Variants in HECW2 observed in about 807,000 individuals in gnomAD.
The protein encoded by HECW2 is E3 ubiquitin-protein ligase HECW2.
HECW2 carries 61 observed loss-of-function variants against 175.2 expected under a neutral mutation model. The ratio of observed to expected loss-of-function variants is 0.35; its 90% CI spans 0.28 to 0.43. HECW2 has a LOEUF of 0.43. Ranked by LOEUF, HECW2 falls within the 20% of genes least tolerant of loss-of-function variation. The pLI is 1.00. For synonymous variants in HECW2, 671 were observed against 731.0 expected (o/e 0.92, Z 1.32); for missense variants, 1,524 against 2,000.5 (o/e 0.76, Z 4.54).
intron 1 of HECW2, among the ~76,000 whole-genome samples, chr2:196,583,527 C>G (rs766016416): frequency 1.3e-5 from 2 of 152,172 alleles, no homozygotes; most frequent in Non-Finnish European, 2.9e-5. Flanking sequence ...CCTGGTGATC[C>G]TGATGCTGCC....
intron 15 of HECW2, among the ~76,000 whole-genome samples, chr2:196,275,675 C>T (rs996681472): frequency 3.3e-5 from 5 of 151,984 alleles, no homozygotes; most frequent in African/African-American, 1.2e-4. Flanking sequence ...TCTCTTGAAC[C>T]CGGGAGGTGG....
At chr2:196,483,587 C>A (rs753836983) in intron 1 of HECW2, among the ~76,000 whole-genome samples, 1 of 152,124 alleles carries the variant, frequency 6.6e-6, no homozygotes, top group Non-Finnish European at 1.5e-5. Context: ...TAAGTGAGAA[C>A]ACACCATCAC....
At chr2:196,231,207 G>T (rs2105849692) in intron 21 of HECW2, among the ~76,000 whole-genome samples, 1 of 151,598 alleles carries the variant, frequency 6.6e-6, no homozygotes, top group South Asian at 2.1e-4. Context: ...GCATGCCCGT[G>T]GTCAAAGTCA....
chr2:196,568,187 T>A (rs1001300580), intron 1 of HECW2, among the ~76,000 whole-genome samples: 1 of 152,180 alleles, frequency 6.6e-6, no homozygotes, highest in Non-Finnish European at 1.5e-5. Flanking sequence ...TTTTTAAAAA[T>A]TTGGGAAAAA....
intron 4 of HECW2, among the ~76,000 whole-genome samples, chr2:196,333,579 C>T (rs1451574165): frequency 6.6e-6 from 1 of 152,162 alleles, no homozygotes; most frequent in African/African-American, 2.4e-5. Flanking sequence ...TTTTTCTATG[C>T]TTTCATGACC....
intron 1 of HECW2, among the ~76,000 whole-genome samples, chr2:196,437,478 G>A (rs1695911336): frequency 6.6e-6 from 1 of 151,860 alleles, no homozygotes; most frequent in Admixed American, 6.6e-5. Flanking sequence ...TGGGCATGGT[G>A]GAACATGCCT....
At chr2:196,209,385 CA>C (rs1415051818) in intron 28 of HECW2, among the ~76,000 whole-genome samples, 1 of 152,036 alleles carries the variant, frequency 6.6e-6, no homozygotes, top group Non-Finnish European at 1.5e-5. Context: ...AAGACCAATC[CA>C]AAAGGTATAT....
intron 2 of HECW2, among the ~76,000 whole-genome samples, chr2:196,390,324 T>TC (rs1559082965): frequency 6.6e-6 from 1 of 152,280 alleles, no homozygotes; most frequent in Non-Finnish European, 1.5e-5. Context: ...CGGAGAACCT[T>TC]CCAAGTTGTT....
At chr2:196,313,820 G>A (rs1691589732) in intron 10 of HECW2, among the ~76,000 whole-genome samples, 1 of 152,334 alleles carries the variant, frequency 6.6e-6, no homozygotes, top group Middle Eastern at 3.4e-3. Flanking sequence ...GGGAGGCCAA[G>A]GTGGGAGGAT....
At chr2:196,532,823 C>A (rs1408896582) in intron 1 of HECW2, among the ~76,000 whole-genome samples, 2 of 151,754 alleles carry the variant, frequency 1.3e-5, no homozygotes, top group Non-Finnish European at 2.9e-5. Flanking sequence ...AGAAGGAGAG[C>A]AAAGAGGTGG....
chr2:196,330,778 C>T (rs1197475524), intron 4 of HECW2, among the ~76,000 whole-genome samples: 1 of 152,150 alleles, frequency 6.6e-6, no homozygotes, highest in Non-Finnish European at 1.5e-5. Context: ...TCTGCCAATC[C>T]CTCCACTCCA....
chr2:196,398,303 ACT>A (rs975335863), intron 2 of HECW2, among the ~76,000 whole-genome samples: 12 of 152,242 alleles, frequency 7.9e-5, no homozygotes, highest in African/African-American at 2.7e-4. Flanking sequence ...GGGAAAAAAT[ACT>A]GTTTGATTAT....
rs543168297 is a variant in HECW2 at position 196,405,515 on chromosome 2, T to C, written c.292+27617A>G. Among the ~76,000 whole-genome samples, 4 of 152,312 alleles carry C rather than the reference T, an allele frequency of 2.6e-5. No individual in the cohort carries two copies. The South Asian group carries it at 8.3e-4, about 32-fold the overall frequency. On this transcript the variant is annotated intron_variant, in intron 2 of 28. Transcript: ENST00000644978. ...ACCACTCATCTGCCATACTTCTCTG[T>C]GTTCCCTTTTGCTCTTCTGGATGAA...
Position 196,358,585 on chromosome 2 carries a change from CAAAAAAAAAAAAAAAAAAAAA to C in HECW2, c.293-14842_293-14822del, listed in dbSNP as rs144181608. Among the ~76,000 whole-genome samples, 8 of 67,334 alleles carry C rather than the reference CAAAAAAAAAAAAAAAAAAAAA, an allele frequency of 1.2e-4. No individual in the cohort carries two copies. The Admixed American group carries it at 1.3e-3, about 11-fold the overall frequency. 44.2% of individuals were successfully genotyped at this position (67,334 alleles called of 152,430 possible). ...TGGGAGACAGAGCAAGACTCTGTCT[CAAAAAAAAAAAAAAAAAAAAA>C]AAAAAAAAAAAGAAACTCTATTTAT... On this transcript the variant is annotated intron_variant, in intron 2 of 28. Transcript: ENST00000644978.
intron 1 of HECW2, among the ~76,000 whole-genome samples, chr2:196,441,381 A>AACAC (rs35019279): frequency 0.79 from 118,974 of 151,174 alleles, 48,469 homozygotes; most frequent in East Asian, 0.95. Context: ...CACACACACA[A>AACAC]ACACACACAC....
rs781631738 is a variant in HECW2, at chr2:196,306,539, G to C, written c.2763C>G (p.Pro921=). ...ACTCTGGGCTGATGAGGAACTTCAC[G>C]GGGGGAGACTGTAACAGCAACGTGA... ...SRITLLLQSP[P]VKFLISPEFF... is the part of the protein sequence containing the mutation. Residue 921 remains proline (P), a synonymous_variant, in exon 13 of 29, where the codon CCC becomes CCG. Coordinates refer to ENST00000644978, the MANE Select transcript of HECW2 (RefSeq NM_001348768.2). The C allele has an allele frequency of 1.2e-6, 2 of 1,611,954 alleles. No individual in the cohort carries two copies. Among genetic ancestry groups the C allele is most frequent in the Non-Finnish European group, 1.7e-6 (2 of 1,179,008 alleles).
intron 2 of HECW2, among the ~76,000 whole-genome samples, chr2:196,397,270 G>A (rs1694698514): frequency 6.6e-6 from 1 of 152,236 alleles, no homozygotes; most frequent in East Asian, 1.9e-4. Flanking sequence ...CCCAACTAAG[G>A]TAACATAAGG....
chr2:196,573,331 T>A (rs1260021030), intron 1 of HECW2, among the ~76,000 whole-genome samples: 2 of 152,150 alleles, frequency 1.3e-5, no homozygotes, highest in Non-Finnish European at 2.9e-5. Flanking sequence ...GAGGATGATT[T>A]ACTCAAGAAA....
rs191991212 is a variant in HECW2 at position 196,225,252 on chromosome 2, G to A, written c.4016+520C>T. Reference sequence around the variant, plus strand: ...TCCATAATAAATTACTAAGGGCATAGAGAAAGTTTAAGAAACATATGGCAC... The same window carrying A: ...TCCATAATAAATTACTAAGGGCATAAAGAAAGTTTAAGAAACATATGGCAC... On this transcript the variant is annotated intron_variant, in intron 23 of 28. Coordinates refer to ENST00000644978, the MANE Select transcript of HECW2 (RefSeq NM_001348768.2). Among the ~76,000 whole-genome samples the A allele has an allele frequency of 1.2e-3, 181 of 152,336 alleles. 2 individuals are homozygous for A. Among genetic ancestry groups the A allele is most frequent in the African/African-American group, 3.9e-3 (164 of 41,574 alleles).
Sources: gnomAD v4.1 joint callset for allele counts (sites outside exome capture counted in the v4.1 genomes callset) on GRCh38, gnomAD v4.1.1 for gene constraint, MANE v1.5 for transcripts, NCBI Gene and HGNC (gene_info 2026-07-23, HGNC 2026-07-21) for gene names.